Variants in PRKN observed in about 807,000 individuals in gnomAD.
PRKN encodes parkin RBR E3 ubiquitin protein ligase, also known as E3 ubiquitin-protein ligase parkin.
Under a neutral mutation model 59.5 loss-of-function variants are expected in PRKN, and 56 were observed. That is an observed-to-expected ratio of 0.94 (90% confidence interval 0.76 to 1.18). PRKN has a LOEUF of 1.18. Ranked by LOEUF, PRKN falls within the 50% of genes most tolerant of loss-of-function variation. The pLI, the probability that PRKN is intolerant of heterozygous loss-of-function variation, is 0.00. For synonymous variants in PRKN, 250 were observed against 222.1 expected, an observed-to-expected ratio of 1.13 and a Z score of -1.12; for missense variants, 657 against 596.4, an observed-to-expected ratio of 1.10 and a Z score of -1.06.
At position 161,428,443 on chromosome 6, in the gene PRKN, C is replaced by T. The variant is rs1163331907; in HGVS notation, c.1084-41566G>A. ...TGAGCTTCAGGGTCCACACGAGCCT[C>T]ATGGAGAGACAGGCGGCTGCTCCGT... On this transcript the variant is annotated intron_variant, in intron 9 of 11. Coordinates refer to ENST00000366898, the MANE Select transcript of PRKN (RefSeq NM_004562.3). This position sits in a 1 kb window ranked among gnomAD's most constrained non-coding sequence, Gnocchi z 4.0. Among the ~76,000 whole-genome samples, 3 of 152,144 alleles carry T rather than the reference C, an allele frequency of 2.0e-5. No homozygotes were observed. Among genetic ancestry groups the T allele is most frequent in the Non-Finnish European group, 4.4e-5 (3 of 68,034 alleles).
chr6:162,096,401 T>C (rs945226430), intron 4 of PRKN, among the ~76,000 whole-genome samples: 3 of 152,324 alleles, frequency 2.0e-5, no homozygotes, highest in African/African-American at 7.2e-5. Flanking sequence ...TTAGAGAAGA[T>C]GAAAATTTGA....
At chr6:162,359,079 A>AAAAAATATAT (rs57265104) in intron 2 of PRKN, among the ~76,000 whole-genome samples, 2 of 83,274 alleles carry the variant, frequency 2.4e-5, no homozygotes, top group African/African-American at 7.3e-5. Flanking sequence ...AAAAAAAAAA[A>AAAAAATATAT]ATATATATAT....
chr6:161,601,037 C>T (rs1402733640), intron 7 of PRKN, among the ~76,000 whole-genome samples: 3 of 152,222 alleles, frequency 2.0e-5, no homozygotes. Context: ...TGTCAGCTTA[C>T]AACAAAGTCA....
intron 1 of PRKN, among the ~76,000 whole-genome samples, chr6:162,611,921 C>T (rs543782513): frequency 1.6e-4 from 24 of 151,798 alleles, no homozygotes; most frequent in East Asian, 5.8e-4. Flanking sequence ...CGTGGTGGCT[C>T]ACGCCTGTAA....
At chr6:161,922,909 G>A (rs1778837283) in intron 6 of PRKN, among the ~76,000 whole-genome samples, 1 of 152,224 alleles carries the variant, frequency 6.6e-6, no homozygotes, top group Non-Finnish European at 1.5e-5. Context: ...AAAAATGCAT[G>A]TTCTTATGCT....
chr6:162,027,202 G>T (rs1006618722), intron 5 of PRKN, among the ~76,000 whole-genome samples: 13 of 152,048 alleles, frequency 8.5e-5, no homozygotes, highest in African/African-American at 3.1e-4. Flanking sequence ...TCTATATCAA[G>T]AAATTGACTG....
At chr6:162,569,660 G>T in intron 1 of PRKN, 1 of 681,382 alleles carries the variant, frequency 1.5e-6, no homozygotes. Flanking sequence ...CAGGGCCATG[G>T]TTGTGAAGAA....
In PRKN at chr6:161,658,020, AAAAAAAAAAAAAAAG is replaced by A. The variant is rs796815923; in HGVS notation, c.872-88619_872-88605del. ...AACAGACTGAGACTCTGTCTCAAAAAAAAAAAAAAAAAAAGAAAAGAAAAGAAAAAAACGGTGTGC... is the reference window on the plus strand; with the variant it reads ...AACAGACTGAGACTCTGTCTCAAAAAAAAAGAAAAGAAAAAAACGGTGTGC... On this transcript the variant is annotated intron_variant, in intron 7 of 11. Coordinates refer to ENST00000366898, the MANE Select transcript of PRKN (RefSeq NM_004562.3). Among the ~76,000 whole-genome samples the A allele has an allele frequency of 1.7e-5, 2 of 119,338 alleles. 1 individual carries two copies. Among genetic ancestry groups the A allele is most frequent in the African/African-American group, 8.1e-5 (2 of 24,700 alleles). 78.3% of individuals were successfully genotyped at this position (119,338 alleles called of 152,430 possible). A position where few individuals can be genotyped will look rare whatever the true frequency, so the allele number is the denominator to read the frequency against.
rs369541854 is a variant in PRKN, at chr6:161,785,767, C to T, written c.871+5G>A. 87 of 1,613,664 alleles carry T rather than the reference C, an allele frequency of 5.4e-5. No homozygotes were observed. The highest frequency in any genetic ancestry group is 6.7e-5 in the Admixed American group (4 of 59,942). ...AGAGATGGAGAGAAAACATGCTAGA[C>T]TTACCCACACAAGGCAGGGAGTAGC... On this transcript the variant is annotated splice_donor_5th_base_variant and intron_variant, in intron 7 of 11. Transcript: ENST00000366898.
Position 161,643,799 on chromosome 6 carries a change from T to A in PRKN, c.872-74383A>T, listed in dbSNP as rs559622066. On this transcript the variant is annotated intron_variant, in intron 7 of 11. Coordinates refer to ENST00000366898, the MANE Select transcript of PRKN (RefSeq NM_004562.3). ...CTACTAAAACAAGTAAAATTTTTTT[T>A]AAAAAAACTTTCATATTAGGCATAA... Among the ~76,000 whole-genome samples the A allele has an allele frequency of 2.4e-3, 364 of 152,284 alleles. 4 individuals are homozygous for A. The highest frequency in any genetic ancestry group is 0.014 in the South Asian group (66 of 4,814).
chr6:161,962,612 C>A (rs1780424607), intron 6 of PRKN, among the ~76,000 whole-genome samples: 1 of 151,048 alleles, frequency 6.6e-6, no homozygotes, highest in Non-Finnish European at 1.5e-5. Flanking sequence ...TCTCGGCTCA[C>A]TGCAACCTCC....
intron 4 of PRKN, among the ~76,000 whole-genome samples, chr6:162,091,401 A>T (rs1323406220): frequency 6.6e-6 from 1 of 152,176 alleles, no homozygotes; most frequent in Non-Finnish European, 1.5e-5. Flanking sequence ...TTAAACACTT[A>T]AGCTGAGATT....
At chr6:161,750,538 C>T (rs919411426) in intron 7 of PRKN, among the ~76,000 whole-genome samples, 19 of 151,814 alleles carry the variant, frequency 1.3e-4, no homozygotes, top group Non-Finnish European at 8.8e-5. Context: ...GAGGCCGAGG[C>T]GGGTGGATCA....
chr6:161,779,722 C>T (rs551838040), intron 7 of PRKN, among the ~76,000 whole-genome samples: 15 of 152,068 alleles, frequency 9.9e-5, no homozygotes, highest in Non-Finnish European at 1.6e-4. Context: ...GGATTACAGG[C>T]GTGAGTCACT....
chr6:162,537,252 C>T (rs1007341703), intron 1 of PRKN, among the ~76,000 whole-genome samples: 4 of 152,114 alleles, frequency 2.6e-5, no homozygotes, highest in Non-Finnish European at 5.9e-5. Context: ...GTTTTCCCTT[C>T]CACCCTATAT....
chr6:162,049,819 G>A (rs1260588951), intron 5 of PRKN, among the ~76,000 whole-genome samples: 1 of 152,062 alleles, frequency 6.6e-6, no homozygotes, highest in Non-Finnish European at 1.5e-5. Flanking sequence ...ATATCCTCCA[G>A]TTGCCGAGTG....
intron 6 of PRKN, among the ~76,000 whole-genome samples, chr6:161,812,234 A>G (rs1261010510): frequency 6.6e-6 from 1 of 152,084 alleles, no homozygotes; most frequent in Non-Finnish European, 1.5e-5. Context: ...AAGAATAAAA[A>G]TAAAAATAAT....
intron 9 of PRKN, among the ~76,000 whole-genome samples, chr6:161,520,085 C>G (rs1778761994): frequency 6.6e-6 from 1 of 152,174 alleles, no homozygotes. Context: ...TTTGCCTGTT[C>G]TTGCTGTAGG....
intron 1 of PRKN, chr6:162,695,203 C>T (rs1584064690): frequency 6.6e-6 from 1 of 152,108 alleles, no homozygotes; most frequent in Non-Finnish European, 1.5e-5. Flanking sequence ...AGCACTTGCC[C>T]ATTTAACAAG....
Sources: allele counts gnomAD v4.1 joint callset (sites outside exome capture counted in the v4.1 genomes callset), GRCh38; gene constraint gnomAD v4.1.1; non-coding constraint Gnocchi (gnomAD v3.1); transcripts MANE v1.5; gene names NCBI Gene and HGNC (gene_info 2026-07-23, HGNC 2026-07-21).